PARP9: variants seen among roughly 807,000 people sequenced by gnomAD.
PARP9 encodes protein mono-ADP-ribosyltransferase PARP9.
In PARP9, 48 loss-of-function variants were observed where a neutral mutation model predicts 68.8. The ratio of observed to expected loss-of-function variants is 0.70; its 90% CI spans 0.55 to 0.89. The LOEUF (loss-of-function observed/expected upper bound fraction) is 0.89, where lower values mean the gene tolerates loss of function less well. Ranked by LOEUF, PARP9 falls within the 40% of genes least tolerant of loss-of-function variation. PARP9 has a pLI of 0.00. For synonymous variants in PARP9, 309 were observed against 333.8 expected, an observed-to-expected ratio of 0.93 and a Z score of 0.81; for missense variants, 806 against 969.3, an observed-to-expected ratio of 0.83 and a Z score of 2.24.
chr3:122,535,509 T>G, intron 10 of PARP9: 3 of 985,450 alleles, frequency 3.0e-6, no homozygotes, highest in Non-Finnish European at 3.6e-6. Flanking sequence ...TTTTACTAAA[T>G]TTCTTTTCCT....
At chr3:122,539,011 C>T (rs891387419) in intron 8 of PARP9, among the ~76,000 whole-genome samples, 1 of 152,032 alleles carries the variant, frequency 6.6e-6, no homozygotes, top group African/African-American at 2.4e-5. Flanking sequence ...ATTTTTGTAC[C>T]TCTTACTAAA....
At chr3:122,541,351 T>C (rs934686769) in intron 7 of PARP9, among the ~76,000 whole-genome samples, 1 of 152,234 alleles carries the variant, frequency 6.6e-6, no homozygotes, top group Non-Finnish European at 1.5e-5. Context: ...TACAGCCTCC[T>C]TGGGAACACA....
chr3:122,545,583 A>C, intron 6 of PARP9, 94 bp from the exon 7 acceptor site: 1 of 1,188,428 alleles, frequency 8.4e-7, no homozygotes. Flanking sequence ...ACTTGACTTC[A>C]TCCACTCTGT....
At chr3:122,529,895 A>G (rs1370320198) in intron 10 of PARP9, among the ~76,000 whole-genome samples, 1 of 152,036 alleles carries the variant, frequency 6.6e-6, no homozygotes, top group African/African-American at 2.4e-5. Flanking sequence ...ACAGCATTAC[A>G]AGAAAAATAT....
At chr3:122,564,317 G>C (rs2080500541), upstream of PARP9, 1 of 1,287,280 alleles carries the variant, frequency 7.8e-7, no homozygotes, top group Non-Finnish European at 1.1e-6. Context: ...AACAGGGAGG[G>C]ACCTCCAGGG....
intron 1 of PARP9, among the ~76,000 whole-genome samples, chr3:122,561,307 A>ATAC (rs761213814): frequency 1.5e-3 from 235 of 152,244 alleles, no homozygotes; most frequent in Non-Finnish European, 3.0e-3. Flanking sequence ...AAAAATACAA[A>ATAC]AAGTTAGCTG....
intron 6 of PARP9, 70 bp downstream of exon 6, chr3:122,550,514 A>G: frequency 7.9e-7 from 1 of 1,263,326 alleles, no homozygotes; most frequent in Non-Finnish European, 1.1e-6. Flanking sequence ...CATTGTAGAT[A>G]CTAAACAGAT....
In PARP9 at chr3:122,555,827, GCCAGGCCT is replaced by G. The variant is rs1291792028; in HGVS notation, c.336_343del (p.Gly113ProfsTer10). The G allele has an allele frequency of 6.2e-7, 1 of 1,613,996 alleles. No homozygotes were observed. Among genetic ancestry groups the G allele is most frequent in the African/African-American group, 1.3e-5 (1 of 75,014 alleles). On this transcript the variant is annotated frameshift_variant, in exon 4 of 11. Transcript: ENST00000682323. LOFTEE classifies it high-confidence loss of function. ...TCCACCAGCTTTTACCAGGGCCAGG[GCCAGGCCT>G]CCCCCATGCAGAAGATCTTCATTGG...
rs557170964 is a variant in PARP9, at chr3:122,532,140, C to T, written c.2081-3397G>A. 3.6e-5 allele frequency: 35 copies of T among 985,502 alleles called. No homozygotes were observed. In the African/African-American group the frequency reaches 5.6e-4, roughly 16 times the overall value. The allele number at this position is 985,502 out of a possible 1,614,324, so 61.0% of individuals were successfully genotyped here. A position where few individuals can be genotyped will look rare whatever the true frequency, so the allele number is the denominator to read the frequency against. On this transcript the variant is annotated intron_variant, in intron 10 of 10. Transcript: ENST00000682323. ...GGAGAGTGGCAATGGCTGGAGAAGTCTCTGGAGCAGGTGAGGACCACTACC... is the reference window on the plus strand; with the variant it reads ...GGAGAGTGGCAATGGCTGGAGAAGTTTCTGGAGCAGGTGAGGACCACTACC...
At chr3:122,532,305 T>G in intron 10 of PARP9, 2 of 984,986 alleles carry the variant, frequency 2.0e-6, no homozygotes, top group Non-Finnish European at 2.4e-6. Flanking sequence ...TACCTGAGTG[T>G]GAAAGGCACA....
chr3:122,549,474 A>C (rs996364627), intron 6 of PARP9, among the ~76,000 whole-genome samples: 2 of 152,134 alleles, frequency 1.3e-5, no homozygotes, highest in Admixed American at 6.5e-5. Context: ...TTTTAGAGGG[A>C]AAACTGATTG....
rs745559139 is a variant in PARP9 at position 122,552,449 on chromosome 3, A to G, written c.1076T>C (p.Val359Ala). Reference protein sequence around the residue: ...FNLFCKYIYHVLWHSEFPKPQ... With the variant: ...FNLFCKYIYHALWHSEFPKPQ... Reference sequence around the variant, plus strand: ...TTTAGGAAATTCTGAATGCCACAGTACATGGTATATATATTTACAGAACAA... The same window carrying G: ...TTTAGGAAATTCTGAATGCCACAGTGCATGGTATATATATTTACAGAACAA... Residue 359 changes from valine to alanine, a missense_variant, in exon 5 of 11, where the codon GTA (valine) becomes GCA (alanine). Physicochemically the swap from Val to Ala is moderately conservative, Grantham distance 64. Coordinates refer to ENST00000682323, the MANE Select transcript of PARP9 (RefSeq NM_001146105.2). 8.7e-6 allele frequency: 14 copies of G among 1,613,842 alleles called. No individual in the cohort carries two copies. In the South Asian group the frequency reaches 1.5e-4, roughly 18 times the overall value.
chr3:122,531,397 C>T (rs1429061117), intron 10 of PARP9, among the ~76,000 whole-genome samples: 2 of 152,180 alleles, frequency 1.3e-5, no homozygotes, highest in Non-Finnish European at 2.9e-5. Context: ...GTCCTTGCTA[C>T]TTCTTATTAA....
chr3:122,561,412 G>A (rs1349005117), intron 1 of PARP9, among the ~76,000 whole-genome samples: 1 of 152,142 alleles, frequency 6.6e-6, no homozygotes, highest in East Asian at 1.9e-4. Flanking sequence ...AGCTGTGATT[G>A]TGCCACTGCA....
intron 1 of PARP9, among the ~76,000 whole-genome samples, chr3:122,560,199 AAT>A (rs1360668155): frequency 2.0e-5 from 3 of 152,146 alleles, no homozygotes; most frequent in African/African-American, 7.2e-5. Context: ...TCCTTGACCT[AAT>A]GATAGGGGTA....
chr3:122,546,616 C>A (rs1427202465), intron 6 of PARP9, among the ~76,000 whole-genome samples: 1 of 152,112 alleles, frequency 6.6e-6, no homozygotes, highest in Non-Finnish European at 1.5e-5. Context: ...ACACATACCT[C>A]CATGTGGATA....
intron 10 of PARP9, among the ~76,000 whole-genome samples, chr3:122,529,471 C>T (rs2077147629): frequency 1.3e-5 from 2 of 152,080 alleles, no homozygotes; most frequent in South Asian, 4.1e-4. Flanking sequence ...CTGACTTCGG[C>T]CGGGCGCGGT....
chr3:122,532,384 A>G, intron 10 of PARP9: 1 of 985,264 alleles, frequency 1.0e-6, no homozygotes, highest in East Asian at 1.1e-4. Flanking sequence ...TAAGCCAGAC[A>G]ACCCTCCCCA....
At position 122,550,703 on chromosome 3, in the gene PARP9, T is replaced by C. The variant is rs2079130564; in HGVS notation, c.1207A>G (p.Lys403Glu). 1.2e-6 allele frequency: 2 copies of C among 1,614,072 alleles called. No individual in the cohort carries two copies. Among genetic ancestry groups the C allele is most frequent in the Non-Finnish European group, 1.7e-6 (2 of 1,180,014 alleles). Residue 403 changes from lysine (K) to glutamate (E), a missense_variant, in exon 6 of 11, where the codon AAG becomes GAG. Around this residue, in one of 2 missense-constraint regions of PARP9, gnomAD observed 680 missense variants for 858.8 expected, o/e 0.79. Coordinates refer to ENST00000682323, the MANE Select transcript of PARP9 (RefSeq NM_001146105.2). ...PALGTGNMEIKKETAAEILFD... is the reference protein window; with the variant it reads ...PALGTGNMEIEKETAAEILFD... ...AAAATCTCTGCTGCTGTTTCCTTCT[T>C]TATTTCCATGTTTCCAGTCCCAAGG...
Sources: allele counts gnomAD v4.1 joint callset (sites outside exome capture counted in the v4.1 genomes callset), GRCh38; gene constraint gnomAD v4.1.1; regional missense constraint gnomAD v4.1.1; transcripts MANE v1.5; gene names NCBI Gene and HGNC (gene_info 2026-07-23, HGNC 2026-07-21).